DCDC2: variants seen among roughly 807,000 people sequenced by gnomAD.
DCDC2 encodes the protein doublecortin domain-containing protein 2.
In DCDC2, 40 loss-of-function variants were observed where a neutral mutation model predicts 50.2. That is an observed-to-expected ratio of 0.80 (90% CI 0.62 to 1.04). The LOEUF is 1.04. DCDC2 is among the 50% of genes least tolerant of loss of function. DCDC2 has a pLI of 0.00. For synonymous variants in DCDC2, 234 were observed against 210.6 expected (o/e 1.11, Z -0.96); for missense variants, 570 against 581.9 (o/e 0.98, Z 0.21).
chr6:24,301,791 T>G lies in DCDC2; in HGVS notation c.481A>C (p.Lys161Gln), dbSNP rs1397525594. 1 of 1,614,190 alleles carries G rather than the reference T, an allele frequency of 6.2e-7. No homozygotes were observed. Residue 161 changes from lysine (K) to glutamine (Q), a missense_variant, in exon 4 of 10, where the codon AAA becomes CAA. Transcript: ENST00000378454. ...NPASRLLIPR[K>Q]TLNQWDHVLQ... Reference sequence around the variant, plus strand: ...ACATGATCCCACTGATTCAAGGTTTTTCTGGGGATAAGGAGGCGAGAAGCT... The same window carrying G: ...ACATGATCCCACTGATTCAAGGTTTGTCTGGGGATAAGGAGGCGAGAAGCT...
At chr6:24,294,164 C>A (rs141576658) in intron 4 of DCDC2, among the ~76,000 whole-genome samples, 2,167 of 152,192 alleles carry the variant, frequency 0.014, 17 homozygotes, top group Middle Eastern at 0.044. Context: ...TGAGGCCAGC[C>A]TGGGCAACAT....
At chr6:24,300,628 A>G (rs1759351434) in intron 4 of DCDC2, among the ~76,000 whole-genome samples, 1 of 152,256 alleles carries the variant, frequency 6.6e-6, no homozygotes. Context: ...ATATACAAAC[A>G]TTAATCTGCA....
Position 24,246,465 on chromosome 6 carries a change from GTCTTTT to G in DCDC2, c.922+31578_922+31583del, listed in dbSNP as rs1293197513. ...TAAGATCTGTTTTAGATAAAGACAAGTCTTTTTCTTTTTCTTTTTTTTTTTTTTTTT... is the reference window on the plus strand; with the variant it reads ...TAAGATCTGTTTTAGATAAAGACAAGTCTTTTTCTTTTTTTTTTTTTTTTT... On this transcript the variant is annotated intron_variant, in intron 7 of 9. Coordinates refer to ENST00000378454, the MANE Select transcript of DCDC2 (RefSeq NM_016356.5). Among the ~76,000 whole-genome samples, 620 of 124,188 alleles carry G rather than the reference GTCTTTT, an allele frequency of 5.0e-3. 12 individuals are homozygous for G. Among genetic ancestry groups the G allele is most frequent in the East Asian group, 9.7e-3 (38 of 3,912 alleles). The allele number at this position is 124,188 out of a possible 152,430, so 81.5% of individuals were successfully genotyped here. A position where few individuals can be genotyped will look rare whatever the true frequency, so the allele number is the denominator to read the frequency against.
rs574156574 is a variant in DCDC2, at chr6:24,204,816, T to C, written c.1023+186A>G. Reference sequence around the variant, plus strand: ...TTTAAAAAGACTTGGTCTAAATGGCTATTCTTCACAGGAATACTAGGAGAA... The same window carrying C: ...TTTAAAAAGACTTGGTCTAAATGGCCATTCTTCACAGGAATACTAGGAGAA... On this transcript the variant is annotated intron_variant, in intron 8 of 9. Coordinates refer to ENST00000378454, the MANE Select transcript of DCDC2 (RefSeq NM_016356.5). Among the ~76,000 whole-genome samples, 5 of 151,610 alleles carry C rather than the reference T, an allele frequency of 3.3e-5. No individual in the cohort carries two copies. The East Asian group carries it at 7.7e-4, about 23-fold the overall frequency.
intron 2 of DCDC2, among the ~76,000 whole-genome samples, chr6:24,309,676 CA>C (rs940748196): frequency 2.0e-5 from 3 of 151,886 alleles, no homozygotes; most frequent in Non-Finnish European, 4.4e-5. Context: ...TTAGATGGAA[CA>C]AAAAAACAAA....
At chr6:24,338,225 C>G (rs4496795) in intron 2 of DCDC2, among the ~76,000 whole-genome samples, 49,357 of 152,094 alleles carry the variant, frequency 0.32, 9,623 homozygotes, top group African/African-American at 0.55. Context: ...CAAAGAAATA[C>G]ATACACACAC....
intron 2 of DCDC2, among the ~76,000 whole-genome samples, chr6:24,309,620 T>G (rs528741178): frequency 6.6e-5 from 10 of 152,300 alleles, no homozygotes; most frequent in African/African-American, 2.4e-4. Context: ...TTTAAATGTT[T>G]GATGAATCTG....
intron 2 of DCDC2, among the ~76,000 whole-genome samples, chr6:24,338,340 G>T (rs72833022): frequency 0.051 from 7,768 of 152,020 alleles, 220 homozygotes; most frequent in Middle Eastern, 0.068. Context: ...ATCTCTGCCT[G>T]TCACCGCCAT....
intron 2 of DCDC2, among the ~76,000 whole-genome samples, chr6:24,347,035 C>T (rs1760278904): frequency 6.6e-6 from 1 of 152,160 alleles, no homozygotes; most frequent in Non-Finnish European, 1.5e-5. Context: ...AAGAGAGGGA[C>T]AACCCCAGCT....
At position 24,278,134 on chromosome 6, in the gene DCDC2, T is replaced by C; in HGVS notation, c.837A>G (p.Lys279=). ...GTTTTTCTGAATTCACGTCTTCTTT[T>C]TTCCCTTTCCTCTTCAGGGGCTGAG... ...SSPQPLKRKG[K]KEDVNSEKLT... is the part of the protein sequence containing the mutation. The change falls in exon 7 of 10, where the codon AAA becomes AAG. Residue 279 remains lysine, a synonymous_variant. Coordinates refer to ENST00000378454, the MANE Select transcript of DCDC2 (RefSeq NM_016356.5). 7 of 1,614,068 alleles carry C rather than the reference T, an allele frequency of 4.3e-6. No homozygotes were observed. Among genetic ancestry groups the C allele is most frequent in the Non-Finnish European group, 5.1e-6 (6 of 1,179,952 alleles).
At chr6:24,328,182 C>A (rs1041445465) in intron 2 of DCDC2, among the ~76,000 whole-genome samples, 8 of 152,332 alleles carry the variant, frequency 5.3e-5, no homozygotes, top group African/African-American at 1.9e-4. Flanking sequence ...ACTTGGTAAG[C>A]CCTATTGCTC....
intron 7 of DCDC2, among the ~76,000 whole-genome samples, chr6:24,224,483 T>C (rs1367994930): frequency 6.6e-6 from 1 of 152,250 alleles, no homozygotes; most frequent in Non-Finnish European, 1.5e-5. Context: ...CTCAGTGCTC[T>C]TTAACTGAAG....
chr6:24,220,870 A>AGAAAGAC (rs1554146303), intron 7 of DCDC2, among the ~76,000 whole-genome samples: 2 of 127,116 alleles, frequency 1.6e-5, no homozygotes, highest in Non-Finnish European at 3.2e-5. Context: ...GACAGAGAGC[A>AGAAAGAC]AGAGAGCGAG....
intron 2 of DCDC2, among the ~76,000 whole-genome samples, chr6:24,350,744 T>C (rs71555140): frequency 0.01 from 1,596 of 152,324 alleles, 18 homozygotes; most frequent in Non-Finnish European, 0.018. Flanking sequence ...TAATTCTCTA[T>C]TGATCTCCCT....
intron 7 of DCDC2, among the ~76,000 whole-genome samples, chr6:24,274,470 C>T (rs1763305208): frequency 6.6e-6 from 1 of 151,802 alleles, no homozygotes; most frequent in Admixed American, 6.6e-5. Context: ...CATTTCACAC[C>T]CAACTTCATC....
chr6:24,260,135 T>C (rs1167084072), intron 7 of DCDC2, among the ~76,000 whole-genome samples: 1 of 152,226 alleles, frequency 6.6e-6, no homozygotes, highest in Non-Finnish European at 1.5e-5. Context: ...TGATCTTCCT[T>C]AAACTTTTTC....
intron 8 of DCDC2, among the ~76,000 whole-genome samples, chr6:24,199,945 G>A (rs558145290): frequency 3.3e-4 from 50 of 152,248 alleles, no homozygotes; most frequent in African/African-American, 1.1e-3. Context: ...GAAATAAAGC[G>A]TGAAGACAAG....
intron 2 of DCDC2, among the ~76,000 whole-genome samples, chr6:24,345,249 T>A (rs1760233865): frequency 6.6e-6 from 1 of 152,150 alleles, no homozygotes; most frequent in Non-Finnish European, 1.5e-5. Context: ...CTAGAATCCA[T>A]TTAATGTCTA....
At chr6:24,200,838 A>G (rs1355324736) in intron 8 of DCDC2, among the ~76,000 whole-genome samples, 1 of 152,130 alleles carries the variant, frequency 6.6e-6, no homozygotes, top group South Asian at 2.1e-4. Flanking sequence ...AAAAGAAAAA[A>G]AAAAACCAGG....
Sources: gnomAD v4.1 joint callset for allele counts (sites outside exome capture counted in the v4.1 genomes callset) on GRCh38, gnomAD v4.1.1 for gene constraint, MANE v1.5 for transcripts, NCBI Gene and HGNC (gene_info 2026-07-23, HGNC 2026-07-21) for gene names.